GFPT1: variants seen among roughly 807,000 people sequenced by gnomAD.
GFPT1 encodes glutamine--fructose-6-phosphate transaminase 1, also known as glutamine--fructose-6-phosphate aminotransferase [isomerizing] 1.
A neutral mutation model predicts 92.0 loss-of-function variants in GFPT1; 40 were observed. That is an observed-to-expected ratio of 0.43 (90% CI 0.34 to 0.57). GFPT1 has a LOEUF of 0.57. Among genes scored for constraint, GFPT1 ranks in the 20% least tolerant of loss-of-function variants. The pLI is 0.02. For missense variants in GFPT1, 448 were observed against 869.1 expected (o/e 0.52, Z 6.09); for synonymous variants, 269 against 280.6 (o/e 0.96, Z 0.41).
chr2:69,355,983 C>CTTTTTTTTTT (rs1157501841), intron 7 of GFPT1, among the ~76,000 whole-genome samples: 1 of 75,616 alleles, frequency 1.3e-5, no homozygotes. Context: ...TATTTGCTTT[C>CTTTTTTTTTT]TTTTTTTTTT....
intron 1 of GFPT1, among the ~76,000 whole-genome samples, chr2:69,379,690 A>G (rs1276155817): frequency 6.6e-6 from 1 of 151,676 alleles, no homozygotes; most frequent in African/African-American, 2.4e-5. Flanking sequence ...GGCACATGCT[A>G]ATGTGCCTGT....
At chr2:69,362,085 A>G (rs183492123) in intron 4 of GFPT1, among the ~76,000 whole-genome samples, 3 of 152,322 alleles carry the variant, frequency 2.0e-5, no homozygotes, top group African/African-American at 7.2e-5. Context: ...AACAGACTCA[A>G]TAATTGGTGA....
chr2:69,385,080 T>C (rs915940499), intron 1 of GFPT1, among the ~76,000 whole-genome samples: 46 of 152,332 alleles, frequency 3.0e-4, no homozygotes, highest in Middle Eastern at 6.8e-3. Flanking sequence ...TATTCACTTT[T>C]TATTTCTTCA....
Position 69,346,086 on chromosome 2 carries a change from C to A in GFPT1, c.1010-87G>T, listed in dbSNP as rs187806443. ...AACTAAAAGTTTCCTTTAATATAAT[C>A]TTGGTAAATAAAATATAACAAAAGT... On this transcript the variant is annotated intron_variant, in intron 11 of 19. Transcript: ENST00000357308. 4 of 788,072 alleles carry A rather than the reference C, an allele frequency of 5.1e-6. No individual in the cohort carries two copies. The Admixed American group carries it at 7.7e-5, about 15-fold the overall frequency. The allele number at this position is 788,072 out of a possible 1,614,324, so 48.8% of individuals were successfully genotyped here. A position where few individuals can be genotyped will look rare whatever the true frequency, so the allele number is the denominator to read the frequency against.
chr2:69,374,712 G>A (rs767070472), intron 1 of GFPT1, among the ~76,000 whole-genome samples: 12 of 152,056 alleles, frequency 7.9e-5, no homozygotes, highest in Non-Finnish European at 1.8e-4. Flanking sequence ...CATGGTTTAT[G>A]TCCTATATAC....
chr2:69,380,780 A>T (rs983022328), intron 1 of GFPT1, among the ~76,000 whole-genome samples: 2 of 152,216 alleles, frequency 1.3e-5, no homozygotes, highest in East Asian at 3.9e-4. Flanking sequence ...GCCAAGGAGA[A>T]CTCATCTATC....
intron 2 of GFPT1, among the ~76,000 whole-genome samples, chr2:69,373,585 C>G (rs1671801910): frequency 6.6e-6 from 1 of 152,050 alleles, no homozygotes; most frequent in Non-Finnish European, 1.5e-5. Context: ...CACCACTACA[C>G]TCCAGCTGGG....
intron 3 of GFPT1, among the ~76,000 whole-genome samples, chr2:69,366,285 G>C (rs1671609392): frequency 6.6e-6 from 1 of 152,124 alleles, no homozygotes. Context: ...CGAATGTCTA[G>C]TAAGAAAAAA....
chr2:69,326,779 A>G, intron 19 of GFPT1, 135 bp downstream of exon 19: 1 of 866,384 alleles, frequency 1.2e-6, no homozygotes. Flanking sequence ...AAATTGGGCC[A>G]TGAAAATATA....
chr2:69,336,056 G>GCCA (rs1401461418), intron 15 of GFPT1, among the ~76,000 whole-genome samples: 1 of 143,464 alleles, frequency 7.0e-6, no homozygotes, highest in East Asian at 2.0e-4. Flanking sequence ...AAGGTGGGGG[G>GCCA]CCAGGTACAG....
At chr2:69,342,027 A>G (rs1423003353) in intron 13 of GFPT1, 125 bp downstream of exon 13, 5 of 604,634 alleles carry the variant, frequency 8.3e-6, no homozygotes, top group Non-Finnish European at 1.1e-5. Flanking sequence ...TTCTTTTTTT[A>G]TCACAAAAGG....
At chr2:69,385,836 T>C (rs1314825841) in intron 1 of GFPT1, among the ~76,000 whole-genome samples, 1 of 145,996 alleles carries the variant, frequency 6.8e-6, no homozygotes, top group Non-Finnish European at 1.5e-5. Context: ...TTTATGTGGG[T>C]TTTTTTTTAA....
At position 69,355,009 on chromosome 2, in the gene GFPT1, T is replaced by C. The variant is rs369804842; in HGVS notation, c.606-441A>G. ...ACAGAACAAGATCCTATATCCAAAATATTCTCTATCAGGGGTCAGCAAACT... is the reference window on the plus strand; with the variant it reads ...ACAGAACAAGATCCTATATCCAAAACATTCTCTATCAGGGGTCAGCAAACT... On this transcript the variant is annotated intron_variant, in intron 7 of 19. Transcript: ENST00000357308. Among the ~76,000 whole-genome samples, 719 of 148,338 alleles carry C rather than the reference T, an allele frequency of 4.8e-3. 11 individuals carry two copies. The highest frequency in any genetic ancestry group is 0.011 in the Admixed American group (174 of 15,148).
intron 11 of GFPT1, among the ~76,000 whole-genome samples, chr2:69,346,744 T>C (rs1193069436): frequency 6.6e-6 from 1 of 152,118 alleles, no homozygotes; most frequent in East Asian, 1.9e-4. Flanking sequence ...TTTTTACTTT[T>C]TTTTTTGAGA....
intron 13 of GFPT1, among the ~76,000 whole-genome samples, chr2:69,340,867 T>A (rs1670933604): frequency 1.3e-5 from 2 of 152,328 alleles, no homozygotes; most frequent in South Asian, 4.1e-4. Context: ...ATGAAGCGTT[T>A]AATCAAATTT....
intron 3 of GFPT1, among the ~76,000 whole-genome samples, chr2:69,365,208 C>T (rs1419313191): frequency 6.6e-6 from 1 of 151,560 alleles, no homozygotes; most frequent in South Asian, 2.1e-4. Flanking sequence ...CCGAGCACCA[C>T]GGCTCATGCC....
intron 12 of GFPT1, 137 bp downstream of exon 12, chr2:69,345,767 A>AGATGGCTGGGCTCCACT (rs1671066822): frequency 3.1e-6 from 2 of 642,108 alleles, no homozygotes; most frequent in South Asian, 3.7e-5. Context: ...ACTTTTTCCA[A>AGATGGCTGGGCTCCACT]GATGGCTGGG....
chr2:69,366,974 CAG>C (rs1671626716), intron 3 of GFPT1, among the ~76,000 whole-genome samples: 1 of 152,184 alleles, frequency 6.6e-6, no homozygotes, highest in Non-Finnish European at 1.5e-5. Flanking sequence ...TACCCATACT[CAG>C]AGTTAACAAA....
chr2:69,386,547 G>T (rs1275255864), intron 1 of GFPT1, among the ~76,000 whole-genome samples: 1 of 152,318 alleles, frequency 6.6e-6, no homozygotes, highest in Middle Eastern at 3.4e-3. Flanking sequence ...GGGATGGCAG[G>T]AAGTATCACG....
Sources: gnomAD v4.1 joint callset for allele counts (sites outside exome capture counted in the v4.1 genomes callset) on GRCh38, gnomAD v4.1.1 for gene constraint, MANE v1.5 for transcripts, NCBI Gene and HGNC (gene_info 2026-07-23, HGNC 2026-07-21) for gene names.